The following CLCA4 variants were observed in gnomAD, a reference collection of about 807,000 sequenced individuals.
The protein encoded by CLCA4 is calcium-activated chloride channel regulator 4.
CLCA4 carries 69 observed loss-of-function variants against 78.9 expected under a neutral mutation model. The observed-to-expected ratio is 0.87, with a 90% CI of 0.72 to 1.07. The LOEUF (loss-of-function observed/expected upper bound fraction) is 1.07. CLCA4 is among the 50% of genes least tolerant of loss of function. The pLI, the probability that CLCA4 is intolerant of heterozygous loss-of-function variation, is 0.00. For synonymous variants in CLCA4, 362 were observed against 375.8 expected, an observed-to-expected ratio of 0.96 and a Z score of 0.42; for missense variants, 1,133 against 1,095.8, an observed-to-expected ratio of 1.03 and a Z score of -0.48.
At chr1:86,554,658 A>C (rs1382870873) in intron 1 of CLCA4, among the ~76,000 whole-genome samples, 1 of 152,192 alleles carries the variant, frequency 6.6e-6, no homozygotes, top group African/African-American at 2.4e-5. Context: ...ACAAACATTC[A>C]AGTGCATGTG....
At chr1:86,574,885 C>A in intron 10 of CLCA4, 130 bp downstream of exon 10, 1 of 679,828 alleles carries the variant, frequency 1.5e-6, no homozygotes, top group Non-Finnish European at 2.5e-6. Flanking sequence ...ATGTACTTTC[C>A]ATGCCTGTGT....
In CLCA4 at chr1:86,580,387, A is replaced by G. The variant is rs765083381; in HGVS notation, c.*42A>G. ...AAATCTTCAAGTAGACCTAGAAGAG[A>G]GTTTTAAAAAACAAAACAATGTAAG... On this transcript the variant is annotated 3_prime_UTR_variant, in exon 14 of 14. Transcript: ENST00000370563. 2 of 1,436,424 alleles carry G rather than the reference A, an allele frequency of 1.4e-6. No individual in the cohort carries two copies. The highest frequency in any genetic ancestry group is 3.0e-5 in the South Asian group (2 of 66,724). The allele number at this position is 1,436,424 out of a possible 1,614,324, so 89.0% of individuals were successfully genotyped here. A position where few individuals can be genotyped will look rare whatever the true frequency, so the allele number is the denominator to read the frequency against.
rs745810649 is a variant in CLCA4 at position 86,579,596 on chromosome 1, G to A, written c.2356+9G>A. ...TTTTGATGTTGGAAAAGGTAAGGATGAAGTGTCATGTGATTTTGACTTAAG... is the reference window on the plus strand; with the variant it reads ...TTTTGATGTTGGAAAAGGTAAGGATAAAGTGTCATGTGATTTTGACTTAAG... On this transcript the variant is annotated intron_variant, in intron 13 of 13. Transcript: ENST00000370563. The A allele has an allele frequency of 5.7e-6, 8 of 1,393,330 alleles. No individual in the cohort carries two copies. In the South Asian group the frequency reaches 9.1e-5, roughly 16 times the overall value. 86.3% of individuals were successfully genotyped at this position (1,393,330 alleles called of 1,614,324 possible).
In CLCA4 at chr1:86,563,689, C is replaced by G; in HGVS notation, c.477C>G (p.His159Gln). The part of the protein sequence containing the change: ...PGKLFVHEWA[H>Q]LRWGVFDEYN... ...AACTGTTTGTCCATGAGTGGGCTCA[C>G]CTCCGGTGGGGAGTGTTTGATGAGT... The change falls in exon 4 of 14, where the codon CAC becomes CAG. Residue 159 changes from histidine to glutamine, a missense_variant. Physicochemically the swap from His to Gln is conservative, Grantham distance 24 (BLOSUM62 0). Coordinates refer to ENST00000370563, the MANE Select transcript of CLCA4 (RefSeq NM_012128.4). 3 of 1,600,046 alleles carry G rather than the reference C, an allele frequency of 1.9e-6. No individual in the cohort carries two copies. In the African/African-American group the frequency reaches 4.0e-5, roughly 21 times the overall value.
At chr1:86,553,861 G>A (rs772532117) in intron 1 of CLCA4, among the ~76,000 whole-genome samples, 1 of 152,114 alleles carries the variant, frequency 6.6e-6, no homozygotes, top group Non-Finnish European at 1.5e-5. Flanking sequence ...GCTTGAACCC[G>A]GGAGGCGGAG....
rs369837770 is a variant in CLCA4 at position 86,575,367 on chromosome 1, G to T, written c.1719G>T (p.Ala573=). ...GTWAYNLQAK[A]NPETLTITVT... ...GGGCATACAATCTTCAAGCCAAAGC[G>T]AACCCAGAAACATTAACTATTACAG... The change falls in exon 11 of 14, where the codon GCG becomes GCT. Residue 573 remains alanine (A), a synonymous_variant. Coordinates refer to ENST00000370563, the MANE Select transcript of CLCA4 (RefSeq NM_012128.4). 7 of 1,613,010 alleles carry T rather than the reference G, an allele frequency of 4.3e-6. No homozygotes were observed. Among genetic ancestry groups the T allele is most frequent in the Non-Finnish European group, 5.9e-6 (7 of 1,179,426 alleles).
chr1:86,560,148 C>G, intron 2 of CLCA4, 63 bp from the exon 3 acceptor site: 1 of 1,563,614 alleles, frequency 6.4e-7, no homozygotes, highest in Non-Finnish European at 8.6e-7. Flanking sequence ...ATTTAAGAGT[C>G]TTTCTAACTG....
intron 8 of CLCA4, among the ~76,000 whole-genome samples, chr1:86,571,841 G>A (rs1029878940): frequency 3.9e-5 from 6 of 152,000 alleles, no homozygotes; most frequent in Non-Finnish European, 5.9e-5. Context: ...ACACAGATGT[G>A]ATGAAAATGG....
At chr1:86,570,540 A>G (rs577828063) in intron 7 of CLCA4, among the ~76,000 whole-genome samples, 1 of 152,208 alleles carries the variant, frequency 6.6e-6, no homozygotes, top group South Asian at 2.1e-4. Flanking sequence ...TGAAAGTTGC[A>G]TAACAAAGTC....
Position 86,567,663 on chromosome 1 carries a change from A to G in CLCA4, c.1182+12A>G, listed in dbSNP as rs1650243076. ...AATATGCATTTCAGGTGAAAATCGT[A>G]CTGCAAATATATTTTGGTTTTTGTT... On this transcript the variant is annotated intron_variant, in intron 7 of 13. Coordinates refer to ENST00000370563, the MANE Select transcript of CLCA4 (RefSeq NM_012128.4). 1.2e-6 allele frequency: 2 copies of G among 1,602,276 alleles called. No homozygotes were observed. The highest frequency in any genetic ancestry group is 8.5e-7 in the Non-Finnish European group (1 of 1,171,258).
intron 1 of CLCA4, among the ~76,000 whole-genome samples, chr1:86,551,899 C>CAAA (rs3835433): frequency 6.6e-6 from 1 of 151,798 alleles, no homozygotes; most frequent in African/African-American, 2.4e-5. Context: ...TTTCTAATGA[C>CAAA]AAAAAAAATG....
chr1:86,576,192 C>G (rs993752614), intron 11 of CLCA4, among the ~76,000 whole-genome samples: 1 of 151,992 alleles, frequency 6.6e-6, no homozygotes, highest in Non-Finnish European at 1.5e-5. Context: ...TGAGGTCTCA[C>G]TCTGTCGCAC....
In CLCA4 at chr1:86,567,484, G is replaced by T. The variant is rs1650236725; in HGVS notation, c.1015G>T (p.Glu339Ter). Reference protein sequence around the residue: ...AAKHFLLQTVENGSWVGMVHF... With the variant: ...AAKHFLLQTV ...AAAACATTTCCTGCTGCAGACTGTT[G>T]AAAATGGATCCTGGGTGGGGATGGT... The change falls in exon 7 of 14, where the codon GAA (glutamate) becomes TAA (stop). Residue 339 changes from glutamate (E) to a stop codon, truncating the protein, a stop_gained. Transcript: ENST00000370563. LOFTEE classifies it high-confidence loss of function. 6.2e-7 allele frequency: 1 copy of T among 1,613,198 alleles called. No homozygotes were observed. The highest frequency in any genetic ancestry group is 1.3e-5 in the African/African-American group (1 of 74,844).
At chr1:86,573,243 T>C (rs1196795811) in intron 9 of CLCA4, among the ~76,000 whole-genome samples, 5 of 151,894 alleles carry the variant, frequency 3.3e-5, no homozygotes, top group Non-Finnish European at 5.9e-5. Context: ...AACCACTTTT[T>C]TCGGTGGCTT....
intron 1 of CLCA4, among the ~76,000 whole-genome samples, chr1:86,548,300 ACTTTGT>A (rs779942277): frequency 2.6e-5 from 4 of 152,120 alleles, no homozygotes; most frequent in Admixed American, 1.3e-4. Flanking sequence ...TATTATTATT[ACTTTGT>A]CTTTGAGGTT....
In CLCA4 at chr1:86,573,317, C is replaced by A. The variant is rs191464643; in HGVS notation, c.1467+597C>A. Reference sequence around the variant, plus strand: ...CTCATCTGGGTCTTGATAGCACCACCATTTTCTGTTACTTAGATTCAAAAA... The same window carrying A: ...CTCATCTGGGTCTTGATAGCACCACAATTTTCTGTTACTTAGATTCAAAAA... On this transcript the variant is annotated intron_variant, in intron 9 of 13. Coordinates refer to ENST00000370563, the MANE Select transcript of CLCA4 (RefSeq NM_012128.4). 1.8e-3 allele frequency among the ~76,000 whole-genome samples: 273 copies of A among 152,044 alleles called. 1 individual carries two copies. The highest frequency in any genetic ancestry group is 6.3e-3 in the African/African-American group (260 of 41,538).
At position 86,575,439 on chromosome 1, in the gene CLCA4, T is replaced by C; in HGVS notation, c.1791T>C (p.Asn597=). Residue 597 remains asparagine, a synonymous_variant, in exon 11 of 14, where the codon AAT becomes AAC. Transcript: ENST00000370563. ...CTTCTGTGCCTCCAATCACAGTGAA[T>C]GCTAAAATGAATAAGGACGTAAACA... ...ANSSVPPITV[N]AKMNKDVNSF... 6.2e-7 allele frequency: 1 copy of C among 1,613,492 alleles called. No homozygotes were observed. Among genetic ancestry groups the C allele is most frequent in the Non-Finnish European group, 8.5e-7 (1 of 1,179,634 alleles).
chr1:86,559,847 A>T, intron 1 of CLCA4, 85 bp from the exon 2 acceptor site: 1 of 1,068,278 alleles, frequency 9.4e-7, no homozygotes, highest in Admixed American at 2.3e-5. Context: ...TCCACTCTTA[A>T]GTTGGGAAAT....
chr1:86,565,853 CA>C lies in CLCA4; in HGVS notation c.791del (p.Asn264ThrfsTer2). ...KTHNQEAPSL[Q>X]NIKCNFRSTW... ...CCATAATCAAGAAGCTCCAAGCCTACAAAACATAAAGTGCAATTTTAGAAGT... is the reference window on the plus strand; with the variant it reads ...CCATAATCAAGAAGCTCCAAGCCTACAAACATAAAGTGCAATTTTAGAAGT... On this transcript the variant is annotated frameshift_variant, in exon 6 of 14. Transcript: ENST00000370563. LOFTEE classifies it high-confidence loss of function. 6.3e-7 allele frequency: 1 copy of C among 1,599,818 alleles called. No individual in the cohort carries two copies. Among genetic ancestry groups the C allele is most frequent in the Non-Finnish European group, 8.5e-7 (1 of 1,171,974 alleles).
Sources: gnomAD v4.1 joint callset for allele counts (sites outside exome capture counted in the v4.1 genomes callset) on GRCh38, gnomAD v4.1.1 for gene constraint, MANE v1.5 for transcripts, NCBI Gene and HGNC (gene_info 2026-07-23, HGNC 2026-07-21) for gene names.